The following RXFP1 variants were observed in gnomAD, a reference collection of about 807,000 sequenced individuals.
RXFP1 encodes the protein relaxin family peptide receptor 1.
Under a neutral mutation model 89.8 loss-of-function variants are expected in RXFP1, and 73 were observed. The observed-to-expected ratio is 0.81, with a 90% CI of 0.67 to 0.99. RXFP1 has a LOEUF of 0.99. RXFP1 is among the 50% of genes least tolerant of loss of function. The pLI, the probability that RXFP1 is intolerant of heterozygous loss-of-function variation, is 0.00. For synonymous variants in RXFP1, 277 were observed against 305.5 expected (o/e 0.91, Z 0.97); for missense variants, 793 against 895.5 (o/e 0.89, Z 1.46).
chr4:158,625,170 G>T (rs1766461739), intron 9 of RXFP1, among the ~76,000 whole-genome samples: 1 of 152,104 alleles, frequency 6.6e-6, no homozygotes, highest in African/African-American at 2.4e-5. Context: ...CATACATTAT[G>T]AGAGACCAAA....
chr4:158,548,551 G>T (rs1749166940), intron 1 of RXFP1, among the ~76,000 whole-genome samples: 2 of 152,150 alleles, frequency 1.3e-5, no homozygotes, highest in Non-Finnish European at 2.9e-5. Context: ...AGCCTTGATG[G>T]TCTTTACATT....
intron 1 of RXFP1, among the ~76,000 whole-genome samples, chr4:158,561,923 C>T (rs1050163004): frequency 3.9e-5 from 6 of 152,102 alleles, no homozygotes; most frequent in South Asian, 2.1e-4. Flanking sequence ...CCACTGCACC[C>T]GGCCTCAACC....
chr4:158,538,639 C>T (rs1745846765), intron 1 of RXFP1, among the ~76,000 whole-genome samples: 3 of 152,048 alleles, frequency 2.0e-5, no homozygotes, highest in Admixed American at 2.0e-4. Flanking sequence ...CATGGAGAAA[C>T]CCCATTTCTG....
At chr4:158,544,605 AC>A (rs1300697971) in intron 1 of RXFP1, among the ~76,000 whole-genome samples, 1 of 148,246 alleles carries the variant, frequency 6.7e-6, no homozygotes, top group Non-Finnish European at 1.5e-5. Flanking sequence ...CCCTACCCCT[AC>A]CCCCCAACAG....
chr4:158,588,398 ATCT>A (rs1341924989), intron 2 of RXFP1, among the ~76,000 whole-genome samples: 1 of 152,190 alleles, frequency 6.6e-6, no homozygotes, highest in East Asian at 1.9e-4. Context: ...GGTAAGCAGA[ATCT>A]TCTCAGAAGG....
At chr4:158,613,817 T>C (rs1764004000) in intron 8 of RXFP1, among the ~76,000 whole-genome samples, 1 of 152,236 alleles carries the variant, frequency 6.6e-6, no homozygotes, top group Non-Finnish European at 1.5e-5. Flanking sequence ...GAATGCTTTC[T>C]AGAAGGTTTT....
At chr4:158,623,896 T>C (rs1163790484) in intron 9 of RXFP1, among the ~76,000 whole-genome samples, 4 of 152,150 alleles carry the variant, frequency 2.6e-5, no homozygotes, top group Non-Finnish European at 5.9e-5. Context: ...GACAAGGGCA[T>C]GTGATCAGTG....
At chr4:158,594,791 A>G (rs2150073141) in intron 3 of RXFP1, among the ~76,000 whole-genome samples, 1 of 152,290 alleles carries the variant, frequency 6.6e-6, no homozygotes, top group East Asian at 1.9e-4. Flanking sequence ...AGCTAACAAT[A>G]AAAACATTCA....
At chr4:158,609,445 G>A (rs1763150177) in intron 6 of RXFP1, among the ~76,000 whole-genome samples, 1 of 152,086 alleles carries the variant, frequency 6.6e-6, no homozygotes, top group Admixed American at 6.5e-5. Flanking sequence ...GTTTTATTGA[G>A]TTCTGCCATG....
intron 9 of RXFP1, among the ~76,000 whole-genome samples, chr4:158,626,604 C>T (rs987123765): frequency 8.6e-5 from 13 of 151,746 alleles, no homozygotes; most frequent in Admixed American, 5.2e-4. Context: ...ACAGATGGGA[C>T]GCAAAACATT....
At chr4:158,581,091 G>C (rs1014763530) in intron 2 of RXFP1, among the ~76,000 whole-genome samples, 2 of 152,172 alleles carry the variant, frequency 1.3e-5, no homozygotes, top group African/African-American at 4.8e-5. Context: ...TACCCAGCCT[G>C]TGCATGACTA....
chr4:158,635,981 C>G (rs1769081449), intron 12 of RXFP1, among the ~76,000 whole-genome samples: 1 of 152,102 alleles, frequency 6.6e-6, no homozygotes, highest in Non-Finnish European at 1.5e-5. Context: ...GCATGAGCCA[C>G]CACACCCAGT....
chr4:158,634,797 C>G (rs1580241050), intron 12 of RXFP1, among the ~76,000 whole-genome samples: 1 of 152,138 alleles, frequency 6.6e-6, no homozygotes, highest in Non-Finnish European at 1.5e-5. Context: ...TACTCTTTCC[C>G]CATTGAATGT....
intron 1 of RXFP1, among the ~76,000 whole-genome samples, chr4:158,565,590 A>C (rs1204289737): frequency 6.6e-6 from 1 of 152,240 alleles, no homozygotes; most frequent in Non-Finnish European, 1.5e-5. Context: ...AAGAGTGCTC[A>C]AAAAATGATG....
At chr4:158,535,867 T>A (rs544532935) in intron 1 of RXFP1, among the ~76,000 whole-genome samples, 1 of 152,356 alleles carries the variant, frequency 6.6e-6, no homozygotes, top group Non-Finnish European at 1.5e-5. Context: ...TTTCCACACT[T>A]CCTATTTCCC....
intron 1 of RXFP1, chr4:158,543,882 A>G: frequency 1.0e-6 from 1 of 985,446 alleles, no homozygotes; most frequent in Non-Finnish European, 1.2e-6. Flanking sequence ...CCATCAATTT[A>G]TTGGCACATT....
chr4:158,623,786 C>T (rs1383138777), intron 9 of RXFP1, among the ~76,000 whole-genome samples: 2 of 151,944 alleles, frequency 1.3e-5, no homozygotes, highest in Admixed American at 6.6e-5. Flanking sequence ...GGAAAATCTC[C>T]TTAAAGAGAA....
chr4:158,597,304 T>C (rs1211943784), intron 3 of RXFP1, among the ~76,000 whole-genome samples: 1 of 152,184 alleles, frequency 6.6e-6, no homozygotes, highest in East Asian at 1.9e-4. Context: ...ATGGAAAATA[T>C]AATATCTATC....
chr4:158,611,896 G>A (rs1419101590), intron 6 of RXFP1, among the ~76,000 whole-genome samples: 1 of 152,114 alleles, frequency 6.6e-6, no homozygotes, highest in Non-Finnish European at 1.5e-5. Flanking sequence ...ATTCAAAATA[G>A]GTTAATGAAT....
Sources: gnomAD v4.1 joint callset for allele counts (sites outside exome capture counted in the v4.1 genomes callset) on GRCh38, gnomAD v4.1.1 for gene constraint, MANE v1.5 for transcripts, NCBI Gene and HGNC (gene_info 2026-07-23, HGNC 2026-07-21) for gene names.